The following SPEG variants were observed in gnomAD, a reference collection of about 807,000 sequenced individuals.
The protein encoded by SPEG is striated muscle enriched protein kinase, also known as striated muscle preferentially expressed protein kinase.
SPEG carries 114 observed loss-of-function variants against 300.4 expected under a neutral mutation model. The observed-to-expected ratio is 0.38, with a 90% CI of 0.33 to 0.44. SPEG has a LOEUF of 0.44. Among genes scored for constraint, SPEG ranks in the 20% least tolerant of loss-of-function variants. SPEG has a pLI of 1.00. For synonymous variants in SPEG, 1,964 were observed against 2,018.9 expected (o/e 0.97, Z 0.73); for missense variants, 4,201 against 4,586.2 (o/e 0.92, Z 2.43).
chr2:219,487,915 C>A (rs762346096), intron 31 of SPEG, among the ~76,000 whole-genome samples: 1 of 152,222 alleles, frequency 6.6e-6, no homozygotes, highest in African/African-American at 2.4e-5. Flanking sequence ...AGGCCCTGCT[C>A]TAAGTGATTT....
Position 219,435,003 on chromosome 2 carries a change from G to A in SPEG, c.26G>A (p.Gly9Asp), listed in dbSNP as rs1954674869. 3 of 1,505,568 alleles carry A rather than the reference G, an allele frequency of 2.0e-6. No individual in the cohort carries two copies. The East Asian group carries it at 8.3e-5, about 42-fold the overall frequency. 93.3% of individuals were successfully genotyped at this position (1,505,568 alleles called of 1,614,324 possible). A position where few individuals can be genotyped will look rare whatever the true frequency, so the allele number is the denominator to read the frequency against. Reference protein sequence around the residue: MQKARGTRGEDAGTRAPPS... With the variant: MQKARGTRDEDAGTRAPPS... The stretch of plus-strand genomic sequence containing the variant: ...ATGCAGAAAGCCCGGGGCACGCGAG[G>A]CGAGGATGCGGGCACGAGGGCACCC... The change falls in exon 1 of 41, where the codon GGC (glycine) becomes GAC (aspartate). Residue 9 changes from glycine (G) to aspartate (D), a missense_variant. Around this residue, in one of 4 missense-constraint regions of SPEG, gnomAD observed 1,258 missense variants for 1,293.9 expected, o/e 0.97. Coordinates refer to ENST00000312358, the MANE Select transcript of SPEG (RefSeq NM_005876.5).
At chr2:219,437,611 G>GTAGA (rs1954752396) in intron 1 of SPEG, among the ~76,000 whole-genome samples, 1 of 152,144 alleles carries the variant, frequency 6.6e-6, no homozygotes, top group Admixed American at 6.5e-5. Flanking sequence ...TCCTGATTGT[G>GTAGA]TAGATAGAAG....
chr2:219,451,956 G>A lies in SPEG; in HGVS notation c.2440+149G>A, dbSNP rs548330856. 9 of 840,720 alleles carry A rather than the reference G, an allele frequency of 1.1e-5. No homozygotes were observed. The South Asian group carries it at 1.1e-4, about 10-fold the overall frequency. The allele number at this position is 840,720 out of a possible 1,614,324, so 52.1% of individuals were successfully genotyped here. On this transcript the variant is annotated intron_variant, in intron 6 of 40. Coordinates refer to ENST00000312358, the MANE Select transcript of SPEG (RefSeq NM_005876.5). This position sits in a 1 kb window ranked among gnomAD's most constrained non-coding sequence, Gnocchi z 6.4. Reference sequence around the variant, plus strand: ...GTCCATGCAGTCCCTTCTGGGTGTCGGCAGCTTTGGTGAAAGCGTTTTAAA... The same window carrying A: ...GTCCATGCAGTCCCTTCTGGGTGTCAGCAGCTTTGGTGAAAGCGTTTTAAA...
chr2:219,466,242 G>GC (rs1691342908), intron 9 of SPEG: 2 of 1,439,222 alleles, frequency 1.4e-6, no homozygotes, highest in South Asian at 2.9e-5. Context: ...TAGCCCATGG[G>GC]CCCCTGTGGA....
intron 10 of SPEG, 141 bp from the exon 11 acceptor site, chr2:219,468,437 T>C (rs1005589318): frequency 1.4e-5 from 13 of 926,704 alleles, no homozygotes; most frequent in Non-Finnish European, 1.9e-5. Context: ...CTGTGCCCAC[T>C]TCCTCCCCTG....
At position 219,444,773 on chromosome 2, in the gene SPEG, A is replaced by T. The variant is rs1311265412; in HGVS notation, c.478+31A>T. 6.2e-7 allele frequency: 1 copy of T among 1,612,922 alleles called. No individual in the cohort carries two copies. Among genetic ancestry groups the T allele is most frequent in the South Asian group, 1.1e-5 (1 of 91,014 alleles). ...CTCCTGGGGTGTACAAAGAGCAGGCAGGCGGGTTTTCCATAAGGGGTGCCT... is the reference window on the plus strand; with the variant it reads ...CTCCTGGGGTGTACAAAGAGCAGGCTGGCGGGTTTTCCATAAGGGGTGCCT... On this transcript the variant is annotated intron_variant, in intron 2 of 40. Coordinates refer to ENST00000312358, the MANE Select transcript of SPEG (RefSeq NM_005876.5). This position sits in a 1 kb window ranked among gnomAD's most constrained non-coding sequence, Gnocchi z 7.8.
In SPEG at chr2:219,489,743, G is replaced by C. The variant is rs1426093021; in HGVS notation, c.8725G>C (p.Ala2909Pro). 6.2e-7 allele frequency: 1 copy of C among 1,613,608 alleles called. No individual in the cohort carries two copies. Among genetic ancestry groups the C allele is most frequent in the African/African-American group, 1.3e-5 (1 of 74,882 alleles). The change falls in exon 36 of 41, where the codon GCA becomes CCA. Residue 2909 changes from alanine to proline, a missense_variant. Coordinates refer to ENST00000312358, the MANE Select transcript of SPEG (RefSeq NM_005876.5). ...GTATGTGGTGACTTCCTTTGTGTCT[G>C]CACCACCAGCCCCTGAGCCCCCAGC... is the stretch of plus-strand genomic sequence containing the variant. ...PVYVVTSFVS[A>P]PPAPEPPAPE...
In SPEG at chr2:219,484,115, C is replaced by A; in HGVS notation, c.6652C>A (p.Pro2218Thr). 6.2e-7 allele frequency: 1 copy of A among 1,613,622 alleles called. No homozygotes were observed. The highest frequency in any genetic ancestry group is 8.5e-7 in the Non-Finnish European group (1 of 1,179,984). ...GCCTGCCCAAGACAAGGCTCCAGAG[C>A]CCAGGCCAGAACCAGTCCGAGCCTC... ...PQPAQDKAPEPRPEPVRASKP... is the reference protein window; with the variant it reads ...PQPAQDKAPETRPEPVRASKP... The change falls in exon 30 of 41, where the codon CCC (proline) becomes ACC (threonine). Residue 2218 changes from proline to threonine, a missense_variant. Physicochemically the swap from Pro to Thr is conservative, Grantham distance 38 (BLOSUM62 -1). This residue lies in a region of SPEG where 1,578 missense variants were observed against 1,506.0 expected (regional missense o/e 1.05). Transcript: ENST00000312358.
chr2:219,459,666 T>C lies in SPEG; in HGVS notation c.2441-2216T>C, dbSNP rs1690481089. Among the ~76,000 whole-genome samples, 1 of 152,172 alleles carries C rather than the reference T, an allele frequency of 6.6e-6. No individual in the cohort carries two copies. The highest frequency in any genetic ancestry group is 6.5e-5 in the Admixed American group (1 of 15,292). On this transcript the variant is annotated intron_variant, in intron 6 of 40. Coordinates refer to ENST00000312358, the MANE Select transcript of SPEG (RefSeq NM_005876.5). The surrounding 1 kb of genome is among the most constrained non-coding windows in gnomAD (Gnocchi z 4.9). ...TTCCCAGTCCCTGGGCCCGTGAGCC[T>C]CCTCAGTACTGTCCAGCCTGGAGGT...
rs763534515 is a variant in SPEG at position 219,483,533 on chromosome 2, G to C, written c.6070G>C (p.Gly2024Arg). Reference sequence around the variant, plus strand: ...GGCTGAGAGCGCCCTGCCCCGGGCCGGGCCGCGGGAGCTGGGCCGGGGCCT... The same window carrying C: ...GGCTGAGAGCGCCCTGCCCCGGGCCCGGCCGCGGGAGCTGGGCCGGGGCCT... Reference protein sequence around the residue: ...SSAESALPRAGPRELGRGLHK... With the variant: ...SSAESALPRARPRELGRGLHK... The change falls in exon 30 of 41, where the codon GGG (glycine) becomes CGG (arginine). Residue 2024 changes from glycine to arginine, a missense_variant. Physicochemically the swap from Gly to Arg is moderately radical, Grantham distance 125. Around this residue, in one of 4 missense-constraint regions of SPEG, gnomAD observed 1,578 missense variants for 1,506.0 expected, o/e 1.05. Coordinates refer to ENST00000312358, the MANE Select transcript of SPEG (RefSeq NM_005876.5). The C allele has an allele frequency of 2.1e-5, 29 of 1,403,926 alleles. No individual in the cohort carries two copies. Among genetic ancestry groups the C allele is most frequent in the South Asian group, 1.3e-4 (8 of 63,854 alleles). The allele number at this position is 1,403,926 out of a possible 1,614,324, so 87.0% of individuals were successfully genotyped here.
intron 13 of SPEG, 123 bp from the exon 14 acceptor site, chr2:219,471,745 C>T: frequency 8.0e-7 from 1 of 1,250,896 alleles, no homozygotes. Flanking sequence ...TTGCCCCATC[C>T]TTGCCCACTC....
intron 7 of SPEG, 97 bp from the exon 8 acceptor site, chr2:219,462,201 C>A (rs1361747107): frequency 8.2e-7 from 1 of 1,223,068 alleles, no homozygotes; most frequent in Non-Finnish European, 1.2e-6. Flanking sequence ...CCAGTCTCAG[C>A]CTGGCTGTGG....
At chr2:219,488,445 C>G in intron 32 of SPEG, 53 bp from the exon 33 acceptor site, 1 of 1,530,646 alleles carries the variant, frequency 6.5e-7, no homozygotes, top group Middle Eastern at 1.8e-4. Context: ...GTGAGGGGGC[C>G]TGGACATGTG....
intron 6 of SPEG, among the ~76,000 whole-genome samples, chr2:219,457,814 C>A (rs1690308529): frequency 6.6e-6 from 1 of 152,228 alleles, no homozygotes; most frequent in African/African-American, 2.4e-5. Context: ...CTATAGTCCT[C>A]TGCACACATG....
intron 6 of SPEG, among the ~76,000 whole-genome samples, chr2:219,453,179 G>A (rs1298544468): frequency 6.6e-6 from 1 of 152,236 alleles, no homozygotes; most frequent in African/African-American, 2.4e-5. Flanking sequence ...AATTTGGCGA[G>A]GGGTGGGATG....
rs1559410042 is a variant in SPEG, at chr2:219,477,883, A to AC, written c.4827-17dup. The AC allele has an allele frequency of 1.2e-6, 2 of 1,610,926 alleles. No homozygotes were observed. The highest frequency in any genetic ancestry group is 1.7e-6 in the Non-Finnish European group (2 of 1,177,726). ...GGGCCACAGTGATGGCTGATCTCTG[A>AC]CCCCCTCCCTGTGTCAACCAGGGGT... On this transcript the variant is annotated intron_variant, in intron 21 of 40. Transcript: ENST00000312358. The surrounding 1 kb of genome is among the most constrained non-coding windows in gnomAD (Gnocchi z 6.4).
Position 219,489,493 on chromosome 2 carries a change from C to T in SPEG, c.8475C>T (p.Pro2825=), listed in dbSNP as rs374088448. ...TCACTGTCAGCCCCTCATCTCCCCCCACACCTCCTAGCCAGGCCTTGTCCT... is the reference window on the plus strand; with the variant it reads ...TCACTGTCAGCCCCTCATCTCCCCCTACACCTCCTAGCCAGGCCTTGTCCT... ...PSVTVSPSSP[P]TPPSQALSSL... Residue 2825 remains proline, a synonymous_variant, in exon 36 of 41, where the codon CCC becomes CCT. Coordinates refer to ENST00000312358, the MANE Select transcript of SPEG (RefSeq NM_005876.5). 6 of 1,612,276 alleles carry T rather than the reference C, an allele frequency of 3.7e-6. No homozygotes were observed. The highest frequency in any genetic ancestry group is 4.5e-5 in the East Asian group (2 of 44,862).
intron 1 of SPEG, among the ~76,000 whole-genome samples, chr2:219,438,270 C>G (rs1465431108): frequency 6.6e-6 from 1 of 152,106 alleles, no homozygotes; most frequent in East Asian, 1.9e-4. Flanking sequence ...TTTAATCTTC[C>G]AAACCCTAGG....
At chr2:219,472,453 CTG>C in intron 15 of SPEG, 122 bp downstream of exon 15, 1 of 822,384 alleles carries the variant, frequency 1.2e-6, no homozygotes, top group Non-Finnish European at 1.9e-6. Flanking sequence ...TGATGGAATG[CTG>C]GTGGGACCAG....
Sources: gnomAD v4.1 joint callset for allele counts (sites outside exome capture counted in the v4.1 genomes callset) on GRCh38, gnomAD v4.1.1 for gene constraint, gnomAD v4.1.1 regional missense constraint, Gnocchi (gnomAD v3.1) non-coding constraint, MANE v1.5 for transcripts, NCBI Gene and HGNC (gene_info 2026-07-23, HGNC 2026-07-21) for gene names.